The following PRKCB variants were observed in gnomAD, a reference collection of about 807,000 sequenced individuals.
PRKCB encodes protein kinase C beta type.
A neutral mutation model predicts 81.5 loss-of-function variants in PRKCB; 13 were observed. The observed-to-expected ratio is 0.16, with a 90% CI of 0.10 to 0.25. The LOEUF is 0.25. Among genes scored for constraint, PRKCB ranks in the 10% least tolerant of loss-of-function variants. PRKCB has a pLI of 1.00. For missense variants in PRKCB, 509 were observed against 875.7 expected (o/e 0.58, Z 5.29); for synonymous variants, 335 against 321.4 (o/e 1.04, Z -0.45).
intron 2 of PRKCB, among the ~76,000 whole-genome samples, chr16:23,936,139 A>G (rs1163640995): frequency 2.1e-5 from 3 of 146,130 alleles, no homozygotes; most frequent in African/African-American, 7.6e-5. Context: ...CTTTTCCTTC[A>G]CCCCCTTTGT....
At chr16:23,897,352 G>A (rs1198250620) in intron 2 of PRKCB, among the ~76,000 whole-genome samples, 1 of 152,236 alleles carries the variant, frequency 6.6e-6, no homozygotes. Flanking sequence ...AGTGTTTCCT[G>A]TGGGTTTGCA....
At position 24,215,714 on chromosome 16, in the gene PRKCB, T is replaced by C; in HGVS notation, c.*898T>C. ...TGCTTTAAAATATGTATTCAAATGTTATTAACCACAATGACGACCTGCTTT... is the reference window on the plus strand; with the variant it reads ...TGCTTTAAAATATGTATTCAAATGTCATTAACCACAATGACGACCTGCTTT... On this transcript the variant is annotated 3_prime_UTR_variant, in exon 17 of 17. Coordinates refer to ENST00000643927, the MANE Select transcript of PRKCB (RefSeq NM_002738.7). 1.0e-6 allele frequency: 1 copy of C among 985,668 alleles called. No individual in the cohort carries two copies. Among genetic ancestry groups the C allele is most frequent in the Non-Finnish European group, 1.2e-6 (1 of 829,756 alleles). 61.1% of individuals were successfully genotyped at this position (985,668 alleles called of 1,614,324 possible).
intron 2 of PRKCB, among the ~76,000 whole-genome samples, chr16:23,981,118 C>T (rs1210485334): frequency 6.6e-6 from 1 of 152,136 alleles, no homozygotes; most frequent in African/African-American, 2.4e-5. Flanking sequence ...TCTTATACTT[C>T]TAGATGTCAA....
At chr16:23,887,014 C>T (rs773999842) in intron 2 of PRKCB, among the ~76,000 whole-genome samples, 8 of 152,118 alleles carry the variant, frequency 5.3e-5, no homozygotes, top group African/African-American at 1.2e-4. Context: ...GCCTCTGGAA[C>T]GAATCTGTAA....
In PRKCB at chr16:24,016,434, TCC is replaced by T. The variant is rs554457881; in HGVS notation, c.289-15701_289-15700del. 7.2e-5 allele frequency among the ~76,000 whole-genome samples: 11 copies of T among 151,864 alleles called. No homozygotes were observed. The East Asian group carries it at 2.1e-3, about 29-fold the overall frequency. On this transcript the variant is annotated intron_variant, in intron 3 of 16. Coordinates refer to ENST00000643927, the MANE Select transcript of PRKCB (RefSeq NM_002738.7). The stretch of plus-strand genomic sequence containing the variant: ...CTCGTTGAAACAACAGGTATAAATC[TCC>T]AAGCAGAAAAGACTCGCTTAACATG...
intron 2 of PRKCB, among the ~76,000 whole-genome samples, chr16:23,839,607 T>C (rs1777002890): frequency 7.8e-6 from 1 of 127,606 alleles, no homozygotes; most frequent in Non-Finnish European, 1.8e-5. Context: ...TTTCTTTTTC[T>C]CTTCCCTGCC....
chr16:24,182,873 T>TGTGTGTGTGTGTGTGTGTGTGTG (rs1555501178), intron 13 of PRKCB, among the ~76,000 whole-genome samples: 73 of 133,608 alleles, frequency 5.5e-4, no homozygotes, highest in African/African-American at 1.9e-3. Flanking sequence ...ACATTGTTTC[T>TGTGTGTGTGTGTGTGTGTGTGTG]TGTGTGTGTG....
intron 16 of PRKCB, among the ~76,000 whole-genome samples, chr16:24,208,804 A>G (rs1968087546): frequency 6.6e-6 from 1 of 152,134 alleles, no homozygotes. Context: ...AGCGCTCCTG[A>G]AGCTAATGGT....
intron 2 of PRKCB, among the ~76,000 whole-genome samples, chr16:23,978,180 T>A (rs551187193): frequency 3.0e-4 from 45 of 152,218 alleles, no homozygotes; most frequent in African/African-American, 8.9e-4. Context: ...CAGAACTTTT[T>A]AAAAAAATCC....
intron 10 of PRKCB, among the ~76,000 whole-genome samples, chr16:24,155,259 C>T (rs950908995): frequency 6.6e-6 from 1 of 152,090 alleles, no homozygotes; most frequent in African/African-American, 2.4e-5. Flanking sequence ...TTTGCATGGG[C>T]CTCATTGGAG....
intron 2 of PRKCB, among the ~76,000 whole-genome samples, chr16:23,975,560 C>T (rs1042220062): frequency 3.3e-5 from 5 of 152,186 alleles, no homozygotes; most frequent in African/African-American, 9.6e-5. Context: ...CTGGCTGACT[C>T]TCTTTGGGTG....
chr16:23,930,851 C>T (rs1963963360), intron 2 of PRKCB, among the ~76,000 whole-genome samples: 1 of 150,358 alleles, frequency 6.7e-6, no homozygotes, highest in Non-Finnish European at 1.5e-5. Context: ...ATGAAATTCC[C>T]ACACACAGTC....
chr16:23,836,770 G>GGGGA (rs999780345), intron 1 of PRKCB, among the ~76,000 whole-genome samples: 8 of 151,320 alleles, frequency 5.3e-5, no homozygotes, highest in South Asian at 4.2e-4. Flanking sequence ...CTTGTTTCCG[G>GGGGA]GGGGGGCGGC....
chr16:24,155,886 A>G (rs1033159308), intron 10 of PRKCB, among the ~76,000 whole-genome samples: 15 of 152,032 alleles, frequency 9.9e-5, no homozygotes, highest in African/African-American at 3.6e-4. Flanking sequence ...TGTCTTCTGT[A>G]TTTCGTGCAA....
At chr16:24,070,700 G>C (rs1001180323) in intron 5 of PRKCB, among the ~76,000 whole-genome samples, 1 of 152,172 alleles carries the variant, frequency 6.6e-6, no homozygotes, top group Non-Finnish European at 1.5e-5. Context: ...CTGAGGCTCA[G>C]AGAGGTTAAG....
Position 23,912,760 on chromosome 16 carries a change from T to C in PRKCB, c.205+75354T>C, listed in dbSNP as rs1320594241. On this transcript the variant is annotated intron_variant, in intron 2 of 16. Coordinates refer to ENST00000643927, the MANE Select transcript of PRKCB (RefSeq NM_002738.7). Reference sequence around the variant, plus strand: ...ACTCCTGACCTCAGGTGATCCACCCTCTTTGGCCTCCCAAAGGGCTGGGAT... The same window carrying C: ...ACTCCTGACCTCAGGTGATCCACCCCCTTTGGCCTCCCAAAGGGCTGGGAT... 2.6e-5 allele frequency among the ~76,000 whole-genome samples: 4 copies of C among 151,746 alleles called. No homozygotes were observed. The East Asian group carries it at 7.8e-4, about 30-fold the overall frequency.
At chr16:24,021,042 C>CTTTT (rs1466095259) in intron 3 of PRKCB, among the ~76,000 whole-genome samples, 2 of 74,342 alleles carry the variant, frequency 2.7e-5, no homozygotes, top group Admixed American at 1.5e-4. Context: ...CTTTCTTTCT[C>CTTTT]TTTCTTTCTT....
chr16:24,195,699 C>T (rs1225439627), intron 16 of PRKCB, among the ~76,000 whole-genome samples: 2 of 152,164 alleles, frequency 1.3e-5, no homozygotes, highest in South Asian at 2.1e-4. Context: ...TTTTAATGTT[C>T]GCCTGGTTGT....
intron 2 of PRKCB, among the ~76,000 whole-genome samples, chr16:23,866,443 C>T (rs981922043): frequency 6.6e-6 from 1 of 152,150 alleles, no homozygotes; most frequent in Non-Finnish European, 1.5e-5. Flanking sequence ...GATTGAAGAC[C>T]TTTTAACTCT....
Sources: gnomAD v4.1 joint callset for allele counts (sites outside exome capture counted in the v4.1 genomes callset) on GRCh38, gnomAD v4.1.1 for gene constraint, MANE v1.5 for transcripts, NCBI Gene and HGNC (gene_info 2026-07-23, HGNC 2026-07-21) for gene names.